Variants in COX17 observed in about 807,000 individuals in gnomAD.
COX17 encodes cytochrome c oxidase copper chaperone.
A neutral mutation model predicts 6.3 loss-of-function variants in COX17; 1 was observed. The ratio of observed to expected loss-of-function variants is 0.16; its 90% CI spans 0.06 to 0.75. The LOEUF (loss-of-function observed/expected upper bound fraction) is 0.75. Among genes scored for constraint, COX17 ranks in the 30% least tolerant of loss-of-function variants. The pLI, the probability that COX17 is intolerant of heterozygous loss-of-function variation, is 0.77. For missense variants in COX17, 73 were observed against 81.2 expected (o/e 0.90, Z 0.39); for synonymous variants, 26 against 30.5 (o/e 0.85, Z 0.49).
In COX17 at chr3:119,677,302, A is replaced by G. The variant is rs1200451922; in HGVS notation, c.9T>C (p.Gly3=). ...GCGGGGCAGGGTTTGAGTCAACCAG[A>G]CCCGGCATCTTTCGCGCCAAAAGCA... MP[G]LVDSNPAPPE... is the part of the protein sequence containing the mutation. The change falls in exon 1 of 3, where the codon GGT becomes GGC. Residue 3 remains glycine (G), a synonymous_variant. Coordinates refer to ENST00000261070, the MANE Select transcript of COX17 (RefSeq NM_005694.2). 6.2e-7 allele frequency: 1 copy of G among 1,611,500 alleles called. No individual in the cohort carries two copies. The highest frequency in any genetic ancestry group is 1.1e-5 in the South Asian group (1 of 90,798).
chr3:119,674,617 G>A (rs749368477), intron 2 of COX17: 16 of 154,044 alleles, frequency 1.0e-4, no homozygotes, highest in South Asian at 2.0e-4. Flanking sequence ...GCAAGATGGT[G>A]AAACCCCATC....
At chr3:119,668,574 G>A (rs1321855046), downstream of COX17, among the ~76,000 whole-genome samples, 1 of 145,018 alleles carries the variant, frequency 6.9e-6, no homozygotes, top group Non-Finnish European at 1.5e-5. Context: ...GAGAAAAACA[G>A]ACCCAAAGAA....
chr3:119,675,248 G>A lies in COX17; in HGVS notation c.108-15C>T. ...TCTCGATGATACTATAAAACAAAAT[G>A]TACTTGTTATCTAAATATGCATTAA... On this transcript the variant is annotated splice_polypyrimidine_tract_variant and intron_variant, in intron 1 of 2. Coordinates refer to ENST00000261070, the MANE Select transcript of COX17 (RefSeq NM_005694.2). The A allele has an allele frequency of 6.4e-7, 1 of 1,574,658 alleles. No homozygotes were observed. Among genetic ancestry groups the A allele is most frequent in the Non-Finnish European group, 8.7e-7 (1 of 1,144,518 alleles).
chr3:119,672,147 T>C (rs1441845141), intron 2 of COX17, among the ~76,000 whole-genome samples: 1 of 152,238 alleles, frequency 6.6e-6, no homozygotes, highest in East Asian at 1.9e-4. Context: ...ATCACAACTC[T>C]ATGAAGTAGT....
intron 2 of COX17, among the ~76,000 whole-genome samples, chr3:119,670,752 T>TGTGTGTG (rs2053035258): frequency 6.7e-6 from 1 of 149,602 alleles, no homozygotes; most frequent in Non-Finnish European, 1.5e-5. Context: ...ATGATCAGTT[T>TGTGTGTG]TGTGTGTGTG....
downstream of COX17, among the ~76,000 whole-genome samples, chr3:119,666,138 G>A (rs144443548): frequency 1.6e-3 from 244 of 152,276 alleles, 2 homozygotes; most frequent in African/African-American, 5.1e-3. Context: ...GGGGTGGGAT[G>A]AAGGGGGCGG....
downstream of COX17, among the ~76,000 whole-genome samples, chr3:119,668,924 A>G (rs1453822752): frequency 6.6e-6 from 1 of 152,172 alleles, no homozygotes; most frequent in Admixed American, 6.6e-5. Flanking sequence ...ACCATGGCAT[A>G]GCACTGAGCT....
At chr3:119,666,085 A>G (rs977103276), downstream of COX17, among the ~76,000 whole-genome samples, 3 of 152,172 alleles carry the variant, frequency 2.0e-5, no homozygotes, top group African/African-American at 7.2e-5. Context: ...TTGTGACGGA[A>G]TTTGTTTTGT....
intron 2 of COX17, among the ~76,000 whole-genome samples, chr3:119,673,330 A>G (rs1166609923): frequency 6.6e-6 from 1 of 152,218 alleles, no homozygotes; most frequent in African/African-American, 2.4e-5. Flanking sequence ...TGAAATAGAA[A>G]ATTCCTACTT....
chr3:119,670,893 C>T (rs746776146), intron 2 of COX17, among the ~76,000 whole-genome samples: 2 of 152,034 alleles, frequency 1.3e-5, no homozygotes, highest in African/African-American at 4.8e-5. Context: ...CGACTTTAGT[C>T]TCCAAAATAG....
downstream of COX17, chr3:119,666,855 C>T (rs540647292): frequency 6.6e-6 from 1 of 152,304 alleles, no homozygotes; most frequent in African/African-American, 2.4e-5. Flanking sequence ...GAATTTATAA[C>T]TACAAATACA....
intron 1 of COX17, 59 bp from the exon 2 acceptor site, chr3:119,675,292 A>C (rs1242525968): frequency 1.0e-5 from 12 of 1,197,488 alleles, no homozygotes; most frequent in Non-Finnish European, 1.2e-5. Flanking sequence ...TTAAGTATGC[A>C]TGATAGTGAT....
chr3:119,676,606 G>A (rs1235481509), intron 1 of COX17: 4 of 427,436 alleles, frequency 9.4e-6, no homozygotes, highest in Non-Finnish European at 1.7e-5. Flanking sequence ...GGGTTGAAGC[G>A]TAACTCTTCA....
intron 2 of COX17, among the ~76,000 whole-genome samples, chr3:119,672,162 G>A (rs1280592924): frequency 2.0e-5 from 3 of 152,156 alleles, no homozygotes; most frequent in African/African-American, 7.2e-5. Flanking sequence ...AGTAGTTTGG[G>A]CATGTATTAT....
rs150778144 is a variant in COX17, at chr3:119,670,891, G to C, written c.*5-1226C>G. 3.3e-5 allele frequency among the ~76,000 whole-genome samples: 5 copies of C among 151,988 alleles called. No individual in the cohort carries two copies. The East Asian group carries it at 9.6e-4, about 29-fold the overall frequency. Reference sequence around the variant, plus strand: ...CCTTTAATTTCTTTCAACGACTTTAGTCTCCAAAATAGGTTCTTTAGGCTT... The same window carrying C: ...CCTTTAATTTCTTTCAACGACTTTACTCTCCAAAATAGGTTCTTTAGGCTT... On this transcript the variant is annotated intron_variant, in intron 2 of 2. Coordinates refer to ENST00000261070, the MANE Select transcript of COX17 (RefSeq NM_005694.2).
chr3:119,668,237 A>T (rs1044773508), downstream of COX17, among the ~76,000 whole-genome samples: 1 of 152,100 alleles, frequency 6.6e-6, no homozygotes, highest in Non-Finnish European at 1.5e-5. Flanking sequence ...AAGGTTATCG[A>T]TTTTTTTGTT....
chr3:119,674,207 G>A (rs892060100), intron 2 of COX17, among the ~76,000 whole-genome samples: 15 of 147,890 alleles, frequency 1.0e-4, no homozygotes, highest in African/African-American at 3.0e-4. Flanking sequence ...GGAGTGCCTC[G>A]GCCCGGCTTC....
At chr3:119,665,319 T>C (rs2052984305), downstream of COX17, 1 of 152,224 alleles carries the variant, frequency 6.6e-6, no homozygotes, top group Non-Finnish European at 1.5e-5. Flanking sequence ...TGAGATAGGA[T>C]ATGCCTAAGG....
At chr3:119,671,325 G>A (rs1043813852) in intron 2 of COX17, among the ~76,000 whole-genome samples, 1 of 152,132 alleles carries the variant, frequency 6.6e-6, no homozygotes, top group Non-Finnish European at 1.5e-5. Flanking sequence ...TTCAGGTAAG[G>A]TATAAAAAAT....
Sources: gnomAD v4.1 joint callset for allele counts (sites outside exome capture counted in the v4.1 genomes callset) on GRCh38, gnomAD v4.1.1 for gene constraint, MANE v1.5 for transcripts, NCBI Gene and HGNC (gene_info 2026-07-23, HGNC 2026-07-21) for gene names.